The following FERMT3 variants were observed in gnomAD, a reference collection of about 807,000 sequenced individuals.
FERMT3 encodes the protein fermitin family homolog 3.
In FERMT3, 33 loss-of-function variants were observed where a neutral mutation model predicts 80.8. The observed-to-expected ratio is 0.41, with a 90% CI of 0.31 to 0.55. The LOEUF (loss-of-function observed/expected upper bound fraction) is 0.55, where lower values mean the gene tolerates loss of function less well. FERMT3 is among the 20% of genes least tolerant of loss of function. FERMT3 has a pLI of 0.31. For missense variants in FERMT3, 754 were observed against 908.7 expected, an observed-to-expected ratio of 0.83 and a Z score of 2.19; for synonymous variants, 375 against 372.2, an observed-to-expected ratio of 1.01 and a Z score of -0.09.
rs1224433665 is a variant in FERMT3, at chr11:64,211,331, A to G, written c.571A>G (p.Thr191Ala). The G allele has an allele frequency of 6.2e-7, 1 of 1,613,042 alleles. No homozygotes were observed. The highest frequency in any genetic ancestry group is 8.5e-7 in the Non-Finnish European group (1 of 1,179,790). Residue 191 changes from threonine (T) to alanine (A), a missense_variant, in exon 5 of 15, where the codon ACT (threonine) becomes GCT (alanine). Transcript: ENST00000345728. The surrounding 1 kb of genome is among the most constrained non-coding windows in gnomAD (Gnocchi z 4.7). Reference protein sequence around the residue: ...MPAHFSDSAQTEACYHMLSRP... With the variant: ...MPAHFSDSAQAEACYHMLSRP... The stretch of plus-strand genomic sequence containing the variant: ...AGCTCACTTCTCGGACAGCGCCCAG[A>G]CTGAGGCCTGCTACCACATGCTGAG...
chr11:64,216,919 G>A (rs1455261091), intron 6 of FERMT3, among the ~76,000 whole-genome samples: 1 of 151,910 alleles, frequency 6.6e-6, no homozygotes, highest in Non-Finnish European at 1.5e-5. Context: ...TTTCCTCCAA[G>A]CTGTTTTATT....
Position 64,210,533 on chromosome 11 carries a change from C to G in FERMT3, c.161-78C>G. The G allele has an allele frequency of 2.0e-6, 3 of 1,471,060 alleles. No individual in the cohort carries two copies. The highest frequency in any genetic ancestry group is 2.8e-5 in the African/African-American group (2 of 72,264). The allele number at this position is 1,471,060 out of a possible 1,614,324, so 91.1% of individuals were successfully genotyped here. On this transcript the variant is annotated intron_variant, in intron 2 of 14. Transcript: ENST00000345728. The surrounding 1 kb of genome is among the most constrained non-coding windows in gnomAD (Gnocchi z 4.3). ...GCAGGGGAGTGGTCGCCCCAGGCTT[C>G]TGAATCCTGGGGTTGTGCTGGGTGT...
At position 64,207,389 on chromosome 11, in the gene FERMT3, G is replaced by A. The variant is rs200509898; in HGVS notation, c.25G>A (p.Gly9Arg). Residue 9 changes from glycine (G) to arginine (R), a missense_variant, in exon 2 of 15, where the codon GGG becomes AGG. Physicochemically the swap from Gly to Arg is moderately radical, Grantham distance 125. Coordinates refer to ENST00000345728, the MANE Select transcript of FERMT3 (RefSeq NM_031471.6). ...CATGGCGGGGATGAAGACAGCCTCC[G>A]GGGACTACATCGACTCGTCATGGGA... The part of the protein sequence containing the change: MAGMKTAS[G>R]DYIDSSWELR... 5 of 1,614,156 alleles carry A rather than the reference G, an allele frequency of 3.1e-6. No homozygotes were observed. Among genetic ancestry groups the A allele is most frequent in the East Asian group, 2.2e-5 (1 of 44,876 alleles).
intron 6 of FERMT3, among the ~76,000 whole-genome samples, chr11:64,212,156 C>T (rs887746379): frequency 6.6e-6 from 1 of 152,176 alleles, no homozygotes; most frequent in African/African-American, 2.4e-5. Context: ...GACTGCAGGA[C>T]CTGGGGGTGG....
chr11:64,211,020 C>CT lies in FERMT3; in HGVS notation c.395-31dup. 1 of 1,607,496 alleles carries CT rather than the reference C, an allele frequency of 6.2e-7. No individual in the cohort carries two copies. Among genetic ancestry groups the CT allele is most frequent in the Non-Finnish European group, 8.5e-7 (1 of 1,177,286 alleles). ...TGAGGTGGGGAGGCTGCAGCAGGAC[C>CT]TAGTCCCCGCTGAGACCCTAGCTCC... On this transcript the variant is annotated intron_variant, in intron 3 of 14. Transcript: ENST00000345728. The surrounding 1 kb of genome is among the most constrained non-coding windows in gnomAD (Gnocchi z 4.7).
At position 64,210,715 on chromosome 11, in the gene FERMT3, G is replaced by T; in HGVS notation, c.265G>T (p.Ala89Ser). Reference protein sequence around the residue: ...TLDKYGILADARLFFGPQHRP... With the variant: ...TLDKYGILADSRLFFGPQHRP... ...GGACAAGTACGGGATCCTGGCCGAC[G>T]CACGCCTCTTCTTTGGGCCCCAGCA... The change falls in exon 3 of 15, where the codon GCA becomes TCA. Residue 89 changes from alanine to serine, a missense_variant. Ala to Ser is a moderately conservative substitution (Grantham distance 99). Transcript: ENST00000345728. The surrounding 1 kb of genome is among the most constrained non-coding windows in gnomAD (Gnocchi z 4.3). The T allele has an allele frequency of 6.2e-7, 1 of 1,614,150 alleles. No homozygotes were observed.
chr11:64,211,469 T>A lies in FERMT3; in HGVS notation c.683+26T>A. 1.3e-6 allele frequency: 2 copies of A among 1,561,550 alleles called. No individual in the cohort carries two copies. The highest frequency in any genetic ancestry group is 1.7e-6 in the Non-Finnish European group (2 of 1,158,332). On this transcript the variant is annotated intron_variant, in intron 5 of 14. Coordinates refer to ENST00000345728, the MANE Select transcript of FERMT3 (RefSeq NM_031471.6). This position sits in a 1 kb window ranked among gnomAD's most constrained non-coding sequence, Gnocchi z 4.7. ...GTGCACCCAGGAGCCACGCCCCCTG[T>A]GTCAGGGCTCCCCCACCCAGGATCC...
chr11:64,223,246 C>T, intron 14 of FERMT3, 57 bp downstream of exon 14: 11 of 1,613,102 alleles, frequency 6.8e-6, no homozygotes, highest in Non-Finnish European at 9.3e-6. Context: ...GAGCTGGATC[C>T]AGCCAGGGTG....
At chr11:64,213,482 A>T (rs1946485384) in intron 6 of FERMT3, among the ~76,000 whole-genome samples, 1 of 150,100 alleles carries the variant, frequency 6.7e-6, no homozygotes, top group African/African-American at 2.5e-5. Context: ...CGAACTCCTG[A>T]CCTCAGGTGA....
chr11:64,210,592 G>A lies in FERMT3; in HGVS notation c.161-19G>A, dbSNP rs1259986128. 5 of 1,610,464 alleles carry A rather than the reference G, an allele frequency of 3.1e-6. No homozygotes were observed. Among genetic ancestry groups the A allele is most frequent in the Non-Finnish European group, 4.2e-6 (5 of 1,176,966 alleles). On this transcript the variant is annotated intron_variant, in intron 2 of 14. Coordinates refer to ENST00000345728, the MANE Select transcript of FERMT3 (RefSeq NM_031471.6). The surrounding 1 kb of genome is among the most constrained non-coding windows in gnomAD (Gnocchi z 4.3). ...CCAGGGAGGAAGGTTGGACCCAGATGTGCCCCCGTGCCCCACAGATCGCAA... is the reference window on the plus strand; with the variant it reads ...CCAGGGAGGAAGGTTGGACCCAGATATGCCCCCGTGCCCCACAGATCGCAA...
intron 2 of FERMT3, among the ~76,000 whole-genome samples, chr11:64,209,059 C>T (rs1946380582): frequency 6.6e-6 from 1 of 152,070 alleles, no homozygotes; most frequent in African/African-American, 2.4e-5. Context: ...GTGGGATTGG[C>T]ATTGATTACA....
chr11:64,221,173 C>A, intron 13 of FERMT3, 33 bp downstream of exon 13: 2 of 1,595,332 alleles, frequency 1.3e-6, no homozygotes, highest in Non-Finnish European at 1.7e-6. Context: ...CTGCCCAGCA[C>A]CGTCTCTGCC....
chr11:64,214,259 C>T (rs890594561), intron 6 of FERMT3, among the ~76,000 whole-genome samples: 1 of 151,242 alleles, frequency 6.6e-6, no homozygotes, highest in Non-Finnish European at 1.5e-5. Context: ...ACCTCCACCT[C>T]GCGGATTCAA....
Position 64,219,769 on chromosome 11 carries a change from G to A in FERMT3, c.1059G>A (p.Lys353=), listed in dbSNP as rs1437996650. 3.1e-6 allele frequency: 5 copies of A among 1,613,976 alleles called. No individual in the cohort carries two copies. In the African/African-American group the frequency reaches 6.7e-5, roughly 22 times the overall value. ...GCCTCACCACCATCCCAGAGCTCAA[G>A]GACCATCTCCGAATCTTTCGGTGAG... is the stretch of plus-strand genomic sequence containing the variant. ...LDSLTTIPEL[K]DHLRIFRPRK... The change falls in exon 9 of 15, where the codon AAG becomes AAA. Residue 353 remains lysine, a synonymous_variant. Coordinates refer to ENST00000345728, the MANE Select transcript of FERMT3 (RefSeq NM_031471.6). This position sits in a 1 kb window ranked among gnomAD's most constrained non-coding sequence, Gnocchi z 4.0.
At position 64,211,011 on chromosome 11, in the gene FERMT3, C is replaced by T. The variant is rs746881003; in HGVS notation, c.395-41C>T. The T allele has an allele frequency of 9.9e-6, 16 of 1,608,388 alleles. No individual in the cohort carries two copies. Among genetic ancestry groups the T allele is most frequent in the Non-Finnish European group, 1.4e-5 (16 of 1,177,766 alleles). On this transcript the variant is annotated intron_variant, in intron 3 of 14. Transcript: ENST00000345728. The surrounding 1 kb of genome is among the most constrained non-coding windows in gnomAD (Gnocchi z 4.7). Reference sequence around the variant, plus strand: ...ACCCATGGGTGAGGTGGGGAGGCTGCAGCAGGACCTAGTCCCCGCTGAGAC... The same window carrying T: ...ACCCATGGGTGAGGTGGGGAGGCTGTAGCAGGACCTAGTCCCCGCTGAGAC...
At chr11:64,222,916 C>T (rs984283319) in intron 13 of FERMT3, 132 bp from the exon 14 acceptor site, 2 of 1,236,258 alleles carry the variant, frequency 1.6e-6, no homozygotes, top group African/African-American at 3.0e-5. Context: ...ACCCAAATGG[C>T]TTGCTCAGGG....
intron 6 of FERMT3, among the ~76,000 whole-genome samples, chr11:64,217,982 C>T (rs1240396055): frequency 2.6e-5 from 4 of 151,122 alleles, no homozygotes; most frequent in African/African-American, 9.7e-5. Flanking sequence ...CTCCATCTTC[C>T]AAATTATTTC....
Position 64,219,554 on chromosome 11 carries a change from G to C in FERMT3, c.925G>C (p.Glu309Gln). The change falls in exon 8 of 15, where the codon GAG becomes CAG. Residue 309 changes from glutamate to glutamine, a missense_variant. By Grantham distance (29) the Glu-to-Gln change is conservative. Coordinates refer to ENST00000345728, the MANE Select transcript of FERMT3 (RefSeq NM_031471.6). The surrounding 1 kb of genome is among the most constrained non-coding windows in gnomAD (Gnocchi z 4.0). ...YHINKLSQSG[E>Q]VGEPAGTDPG... ...CATCAACAAGCTGTCCCAGAGCGGG[G>C]AGGTGGGGGAGCCGGCTGGCACAGA... 2.5e-6 allele frequency: 4 copies of C among 1,611,614 alleles called. No homozygotes were observed. The highest frequency in any genetic ancestry group is 3.4e-6 in the Non-Finnish European group (4 of 1,179,646).
At chr11:64,208,397 C>T (rs958203410) in intron 2 of FERMT3, among the ~76,000 whole-genome samples, 1 of 152,154 alleles carries the variant, frequency 6.6e-6, no homozygotes, top group Admixed American at 6.5e-5. Flanking sequence ...ACGCAGGAGG[C>T]CTTAACCTGG....
Sources: allele counts gnomAD v4.1 joint callset (sites outside exome capture counted in the v4.1 genomes callset), GRCh38; gene constraint gnomAD v4.1.1; non-coding constraint Gnocchi (gnomAD v3.1); transcripts MANE v1.5; gene names NCBI Gene and HGNC (gene_info 2026-07-23, HGNC 2026-07-21).